TNNI3K: variants seen among roughly 807,000 people sequenced by gnomAD.
TNNI3K encodes serine/threonine-protein kinase TNNI3K.
In TNNI3K, 140 loss-of-function variants were observed where a neutral mutation model predicts 114.5. The observed-to-expected ratio is 1.22, with a 90% confidence interval of 1.07 to 1.41. TNNI3K has a LOEUF of 1.41. Among genes scored for constraint, TNNI3K ranks in the 40% most tolerant of loss-of-function variants. The pLI is 0.00. For missense variants in TNNI3K, 1,125 were observed against 1,007.6 expected, an observed-to-expected ratio of 1.12 and a Z score of -1.58; for synonymous variants, 347 against 347.5, an observed-to-expected ratio of 1.00 and a Z score of 0.02.
intron 20 of TNNI3K, among the ~76,000 whole-genome samples, chr1:74,461,768 G>C (rs1321988220): frequency 1.3e-5 from 2 of 152,282 alleles, no homozygotes; most frequent in East Asian, 3.9e-4. Context: ...CTTTAAAGTA[G>C]TTATGCCTTT....
At chr1:74,419,955 CAT>C (rs1411176408) in intron 17 of TNNI3K, among the ~76,000 whole-genome samples, 1 of 151,976 alleles carries the variant, frequency 6.6e-6, no homozygotes, top group Non-Finnish European at 1.5e-5. Flanking sequence ...TGTGATACAA[CAT>C]AAATGGCTAT....
At chr1:74,471,746 A>T (rs1258827727) in intron 21 of TNNI3K, 1 of 403,658 alleles carries the variant, frequency 2.5e-6, no homozygotes, top group Admixed American at 4.4e-5. Flanking sequence ...GTTTTTGTTG[A>T]TAATCCTGAT....
chr1:74,506,666 C>A (rs1302644881), intron 23 of TNNI3K, among the ~76,000 whole-genome samples: 1 of 152,196 alleles, frequency 6.6e-6, no homozygotes, highest in African/African-American at 2.4e-5. Flanking sequence ...CCACACCGGA[C>A]CTGCCGAATC....
intron 23 of TNNI3K, among the ~76,000 whole-genome samples, chr1:74,517,225 T>A (rs1228039096): frequency 6.6e-6 from 1 of 152,182 alleles, no homozygotes; most frequent in African/African-American, 2.4e-5. Flanking sequence ...TAATCCAATT[T>A]TACAGATGGG....
At chr1:74,480,949 C>T (rs1258846482) in intron 21 of TNNI3K, 1 of 715,198 alleles carries the variant, frequency 1.4e-6, no homozygotes, top group African/African-American at 1.7e-5. Context: ...TGATTAAAAC[C>T]CTCGTGGTCA....
intron 5 of TNNI3K, among the ~76,000 whole-genome samples, chr1:74,293,916 G>T (rs579215): frequency 0.14 from 21,510 of 151,504 alleles, 1,585 homozygotes; most frequent in South Asian, 0.23. Flanking sequence ...ACATTAAATT[G>T]TTATCAAATA....
At chr1:74,267,610 T>C (rs1656079678) in intron 4 of TNNI3K, among the ~76,000 whole-genome samples, 1 of 151,994 alleles carries the variant, frequency 6.6e-6, no homozygotes, top group Non-Finnish European at 1.5e-5. Flanking sequence ...ACATTTTTCA[T>C]GGAAGTTGGC....
intron 20 of TNNI3K, among the ~76,000 whole-genome samples, chr1:74,446,860 G>A (rs1388296787): frequency 6.8e-6 from 1 of 147,338 alleles, no homozygotes; most frequent in Non-Finnish European, 1.5e-5. Context: ...TAGGTATGCG[G>A]CGTTAATTCT....
intron 4 of TNNI3K, among the ~76,000 whole-genome samples, chr1:74,257,967 G>A (rs1307856844): frequency 6.6e-6 from 1 of 151,884 alleles, no homozygotes; most frequent in African/African-American, 2.4e-5. Flanking sequence ...GTGCCCGGCC[G>A]CCTCTCGGCA....
chr1:74,343,734 G>A (rs528344563), intron 9 of TNNI3K, among the ~76,000 whole-genome samples: 2 of 152,150 alleles, frequency 1.3e-5, no homozygotes, highest in African/African-American at 2.4e-5. Flanking sequence ...AGCCCTTTAC[G>A]GTGTGCTCTA....
chr1:74,511,775 C>T (rs531548232), intron 23 of TNNI3K, among the ~76,000 whole-genome samples: 1 of 151,920 alleles, frequency 6.6e-6, no homozygotes, highest in South Asian at 2.1e-4. Flanking sequence ...AAAGCCATCC[C>T]GTTTCACTTG....
At chr1:74,401,845 C>T (rs777910801) in intron 17 of TNNI3K, 53 of 453,552 alleles carry the variant, frequency 1.2e-4, no homozygotes, top group Non-Finnish European at 3.5e-5. Flanking sequence ...AAAGGTCTGC[C>T]ATTACCTCTA....
chr1:74,442,968 GA>G (rs1490755724), intron 20 of TNNI3K, among the ~76,000 whole-genome samples: 5 of 152,118 alleles, frequency 3.3e-5, no homozygotes, highest in Non-Finnish European at 7.4e-5. Flanking sequence ...AAACCAGTGA[GA>G]ACAAAGAGAC....
intron 2 of TNNI3K, among the ~76,000 whole-genome samples, chr1:74,246,284 T>G (rs1654548408): frequency 1.3e-5 from 2 of 152,222 alleles, no homozygotes; most frequent in African/African-American, 4.8e-5. Context: ...GAAAGTAAAC[T>G]AGGTACTTGG....
At chr1:74,507,614 T>C (rs1669973246) in intron 23 of TNNI3K, among the ~76,000 whole-genome samples, 1 of 152,148 alleles carries the variant, frequency 6.6e-6, no homozygotes, top group Non-Finnish European at 1.5e-5. Flanking sequence ...CAAAGTCTCT[T>C]TTTTGCTTTA....
At chr1:74,464,522 A>G in intron 21 of TNNI3K, 1 of 1,417,952 alleles carries the variant, frequency 7.1e-7, no homozygotes, top group South Asian at 1.6e-5. Flanking sequence ...CTCTTCAACA[A>G]GAGAATAAAG....
At chr1:74,367,460 A>G (rs1662335525) in intron 12 of TNNI3K, 118 bp downstream of exon 12, 2 of 1,041,546 alleles carry the variant, frequency 1.9e-6, no homozygotes, top group Non-Finnish European at 2.7e-6. Context: ...AGCCTATGTC[A>G]GATTAGATTT....
chr1:74,333,139 C>T (rs1253335914), intron 6 of TNNI3K, among the ~76,000 whole-genome samples: 1 of 152,124 alleles, frequency 6.6e-6, no homozygotes, highest in East Asian at 1.9e-4. Flanking sequence ...ACAGCACCAC[C>T]TGAGGGTTCC....
At chr1:74,524,858 C>T (rs562087437) in intron 23 of TNNI3K, among the ~76,000 whole-genome samples, 1 of 152,162 alleles carries the variant, frequency 6.6e-6, no homozygotes, top group East Asian at 1.9e-4. Context: ...AGATGCATGC[C>T]ACTGCAGGGG....
Sources: allele counts gnomAD v4.1 joint callset (sites outside exome capture counted in the v4.1 genomes callset), GRCh38; gene constraint gnomAD v4.1.1; transcripts MANE v1.5; gene names NCBI Gene and HGNC (gene_info 2026-07-23, HGNC 2026-07-21).